The following FAS variants were observed in gnomAD, a reference collection of about 807,000 sequenced individuals.
FAS encodes Fas cell surface death receptor.
In FAS, 5 loss-of-function variants were observed where a neutral mutation model predicts 33.2. The ratio of observed to expected loss-of-function variants is 0.15; its 90% CI spans 0.08 to 0.32. The LOEUF (loss-of-function observed/expected upper bound fraction) is 0.32. FAS is among the 10% of genes least tolerant of loss of function. The pLI is 1.00. For missense variants in FAS, 339 were observed against 386.0 expected (o/e 0.88, Z 1.02); for synonymous variants, 131 against 130.7 (o/e 1.00, Z -0.01).
At chr10:88,997,901 T>C (rs1209904137) in intron 1 of FAS, among the ~76,000 whole-genome samples, 3 of 152,160 alleles carry the variant, frequency 2.0e-5, no homozygotes, top group African/African-American at 7.2e-5. Flanking sequence ...GAAGTAGCTC[T>C]AGTTCATATT....
At chr10:89,000,111 A>G (rs1428961035) in intron 1 of FAS, among the ~76,000 whole-genome samples, 1 of 152,256 alleles carries the variant, frequency 6.6e-6, no homozygotes, top group African/African-American at 2.4e-5. Flanking sequence ...AGGACCAAAG[A>G]GAAATAAAAT....
At chr10:89,006,201 A>G (rs956604890) in intron 2 of FAS, among the ~76,000 whole-genome samples, 2 of 152,236 alleles carry the variant, frequency 1.3e-5, no homozygotes, top group Non-Finnish European at 2.9e-5. Flanking sequence ...TTCAGAGACC[A>G]GTATAATACC....
intron 2 of FAS, chr10:88,973,379 G>A: frequency 2.1e-6 from 3 of 1,438,382 alleles, no homozygotes; most frequent in Non-Finnish European, 2.8e-6. Flanking sequence ...GAACAATTGT[G>A]AAAATCTTTC....
At chr10:88,982,977 T>C (rs1339426327), upstream of FAS, among the ~76,000 whole-genome samples, 1 of 152,200 alleles carries the variant, frequency 6.6e-6, no homozygotes, top group African/African-American at 2.4e-5. Flanking sequence ...TCATGTGTCC[T>C]TTCCAGAACG....
chr10:89,010,010 G>A (rs1427434998), intron 4 of FAS, among the ~76,000 whole-genome samples: 2 of 152,146 alleles, frequency 1.3e-5, no homozygotes, highest in South Asian at 2.1e-4. Context: ...GATTGTGAAT[G>A]TTTGTCTGTC....
intron 2 of FAS, among the ~76,000 whole-genome samples, chr10:88,979,353 C>T (rs915509725): frequency 2.6e-5 from 4 of 152,120 alleles, no homozygotes; most frequent in Non-Finnish European, 4.4e-5. Context: ...AGACTTGTGG[C>T]TCACCACAGA....
chr10:88,973,396 T>C, intron 2 of FAS: 1 of 1,371,456 alleles, frequency 7.3e-7, no homozygotes, highest in South Asian at 1.8e-5. Flanking sequence ...TTTCATAGAG[T>C]TCCCGATGAA....
At chr10:89,008,045 T>G (rs1848334312) in intron 3 of FAS, among the ~76,000 whole-genome samples, 2 of 152,154 alleles carry the variant, frequency 1.3e-5, no homozygotes, top group Non-Finnish European at 2.9e-5. Flanking sequence ...TTCTTCCAGA[T>G]ATAGGAGAAT....
chr10:88,986,722 G>T (rs569558565), upstream of FAS, among the ~76,000 whole-genome samples: 2 of 152,118 alleles, frequency 1.3e-5, no homozygotes, highest in Admixed American at 6.5e-5. Flanking sequence ...CAGGAAGGAA[G>T]TGGTACAGGA....
intron 1 of FAS, among the ~76,000 whole-genome samples, chr10:88,997,863 A>G (rs9658706): frequency 0.064 from 9,817 of 152,284 alleles, 473 homozygotes; most frequent in Non-Finnish European, 0.1. Context: ...ATTTCAACCC[A>G]GCCTAGCAGG....
chr10:89,008,917 G>C lies in FAS; in HGVS notation c.363G>C (p.Arg121=). The C allele has an allele frequency of 6.2e-7, 1 of 1,613,952 alleles. No individual in the cohort carries two copies. Among genetic ancestry groups the C allele is most frequent in the Non-Finnish European group, 8.5e-7 (1 of 1,179,896 alleles). ...TAGAAGTGGAAATAAACTGCACCCG[G>C]ACCCAGAATACCAAGTGCAGATGTA... The part of the protein sequence containing the change: ...HGLEVEINCT[R]TQNTKCRCKP... Residue 121 remains arginine, a synonymous_variant, in exon 4 of 9, where the codon CGG becomes CGC. Transcript: ENST00000652046.
rs1848802728 is a variant in FAS at position 89,016,240 on chromosome 10, G to A, written c.*1790G>A. The A allele has an allele frequency of 9.2e-6, 2 of 217,230 alleles. No individual in the cohort carries two copies. The highest frequency in any genetic ancestry group is 5.8e-5 in the Admixed American group (1 of 17,212). 13.5% of individuals were successfully genotyped at this position (217,230 alleles called of 1,614,324 possible). On this transcript the variant is annotated 3_prime_UTR_variant, in exon 9 of 9. Coordinates refer to ENST00000652046, the MANE Select transcript of FAS (RefSeq NM_000043.6). Reference sequence around the variant, plus strand: ...TTTCAACATGTAAGCATGTCGGTAAGATAGTTGTGCTTTGCTTAGGGTTCC... The same window carrying A: ...TTTCAACATGTAAGCATGTCGGTAAAATAGTTGTGCTTTGCTTAGGGTTCC...
intron 2 of FAS, among the ~76,000 whole-genome samples, chr10:89,006,049 A>G (rs1270471068): frequency 6.6e-6 from 1 of 152,248 alleles, no homozygotes; most frequent in East Asian, 1.9e-4. Context: ...CAATAAAACA[A>G]CTACTTATTT....
chr10:89,008,813 C>A, intron 3 of FAS, 76 bp from the exon 4 acceptor site: 1 of 1,348,244 alleles, frequency 7.4e-7, no homozygotes, highest in Non-Finnish European at 1.1e-6. Flanking sequence ...AAAATCCATG[C>A]AGCTCCTGCC....
At chr10:88,979,429 G>A (rs1031010382) in intron 2 of FAS, among the ~76,000 whole-genome samples, 1 of 152,166 alleles carries the variant, frequency 6.6e-6, no homozygotes, top group Non-Finnish European at 1.5e-5. Context: ...CAGGACAGAT[G>A]AGAGTCTGGC....
upstream of FAS, among the ~76,000 whole-genome samples, chr10:88,985,477 A>G (rs1243436273): frequency 6.6e-6 from 1 of 152,166 alleles, no homozygotes; most frequent in Admixed American, 6.5e-5. Flanking sequence ...CTTTCTACCC[A>G]AGTGCTCTGG....
Position 89,011,989 on chromosome 10 carries a change from G to T in FAS, c.569-10G>T, listed in dbSNP as rs774146990. ...AGACCTGAGTTGATAAAATTTCTTTGTTCTTTCAGTGAAGAGAAAGGAAGT... is the reference window on the plus strand; with the variant it reads ...AGACCTGAGTTGATAAAATTTCTTTTTTCTTTCAGTGAAGAGAAAGGAAGT... On this transcript the variant is annotated splice_polypyrimidine_tract_variant and intron_variant, in intron 6 of 8. Transcript: ENST00000652046. 2 of 1,612,990 alleles carry T rather than the reference G, an allele frequency of 1.2e-6. No individual in the cohort carries two copies. The highest frequency in any genetic ancestry group is 1.7e-6 in the Non-Finnish European group (2 of 1,179,150).
At chr10:88,966,050 C>T (rs541122969) in intron 1 of FAS, among the ~76,000 whole-genome samples, 33 of 152,146 alleles carry the variant, frequency 2.2e-4, no homozygotes, top group African/African-American at 7.0e-4. Flanking sequence ...AAAGTAATCA[C>T]GGTTTTTGCC....
chr10:89,012,050 A>G lies in FAS; in HGVS notation c.620A>G (p.Gln207Arg). 6.2e-7 allele frequency: 1 copy of G among 1,613,944 alleles called. No homozygotes were observed. The highest frequency in any genetic ancestry group is 8.5e-7 in the Non-Finnish European group (1 of 1,179,810). The change falls in exon 7 of 9, where the codon CAA (glutamine) becomes CGA (arginine). Residue 207 changes from glutamine (Q) to arginine (R), a missense_variant. Gln to Arg is a conservative substitution (Grantham distance 43, BLOSUM62 1). Transcript: ENST00000652046. ...TGCAGAAAGCACAGAAAGGAAAACC[A>G]AGGTTCTCATGAATCTCCAACTTTA... ...KTCRKHRKEN[Q>R]GSHESPTLNP...
Sources: allele counts gnomAD v4.1 joint callset (sites outside exome capture counted in the v4.1 genomes callset), GRCh38; gene constraint gnomAD v4.1.1; transcripts MANE v1.5; gene names NCBI Gene and HGNC (gene_info 2026-07-23, HGNC 2026-07-21).